TMED3: variants seen among roughly 807,000 people sequenced by gnomAD.
The protein encoded by TMED3 is transmembrane p24 trafficking protein 3.
TMED3 carries 9 observed loss-of-function variants against 15.0 expected under a neutral mutation model. That is an observed-to-expected ratio of 0.60 (90% CI 0.36 to 1.04). TMED3 has a LOEUF of 1.04. Ranked by LOEUF, TMED3 falls within the 50% of genes least tolerant of loss-of-function variation. TMED3 has a pLI of 0.01. For synonymous variants in TMED3, 117 were observed against 121.4 expected (o/e 0.96, Z 0.24); for missense variants, 267 against 278.9 (o/e 0.96, Z 0.30).
At chr15:79,357,211 A>C (rs1383871756) in intron 2 of TMED3, among the ~76,000 whole-genome samples, 1 of 152,118 alleles carries the variant, frequency 6.6e-6, no homozygotes. Context: ...ACGGCTGGGC[A>C]TGGTGGCTCG....
chr15:79,348,059 C>G (rs1159795868), intron 2 of TMED3, among the ~76,000 whole-genome samples: 1 of 152,116 alleles, frequency 6.6e-6, no homozygotes, highest in Non-Finnish European at 1.5e-5. Context: ...GATAAGAGCT[C>G]TATAATAAAA....
chr15:79,377,879 C>T (rs1247630086), intron 2 of TMED3, among the ~76,000 whole-genome samples: 1 of 152,018 alleles, frequency 6.6e-6, no homozygotes, highest in Non-Finnish European at 1.5e-5. Context: ...ATCTCCTGAC[C>T]TCATGATCCG....
chr15:79,399,527 G>A (rs865870960), intron 2 of TMED3, among the ~76,000 whole-genome samples: 1 of 152,142 alleles, frequency 6.6e-6, no homozygotes, highest in Non-Finnish European at 1.5e-5. Context: ...GAAGTAGGAT[G>A]GTGTGTAGCA....
At chr15:79,406,328 G>A (rs1893903052) in intron 2 of TMED3, among the ~76,000 whole-genome samples, 1 of 152,174 alleles carries the variant, frequency 6.6e-6, no homozygotes, top group African/African-American at 2.4e-5. Context: ...CCTGTCAGCT[G>A]CTAGAAATAA....
intron 1 of TMED3, among the ~76,000 whole-genome samples, chr15:79,312,358 T>G (rs931430647): frequency 4.6e-5 from 7 of 152,206 alleles, no homozygotes; most frequent in Admixed American, 3.3e-4. Flanking sequence ...AAATTGTGAC[T>G]GGGTTAACAT....
chr15:79,366,649 C>T (rs1400689546), intron 2 of TMED3, among the ~76,000 whole-genome samples: 1 of 152,186 alleles, frequency 6.6e-6, no homozygotes, highest in Non-Finnish European at 1.5e-5. Flanking sequence ...TAAGAGGGGT[C>T]CCTGCTCCAT....
At chr15:79,323,679 T>G (rs1012035718), downstream of TMED3, among the ~76,000 whole-genome samples, 2 of 152,202 alleles carry the variant, frequency 1.3e-5, no homozygotes, top group African/African-American at 2.4e-5. Flanking sequence ...GTAATGCTTA[T>G]CAAGCACTGA....
At chr15:79,395,507 A>G (rs2141255376) in intron 2 of TMED3, among the ~76,000 whole-genome samples, 1 of 152,300 alleles carries the variant, frequency 6.6e-6, no homozygotes, top group South Asian at 2.1e-4. Flanking sequence ...AAGTGGCCAT[A>G]CTTAATTTAA....
intron 2 of TMED3, among the ~76,000 whole-genome samples, chr15:79,368,141 C>T (rs1893271882): frequency 6.6e-6 from 1 of 152,098 alleles, no homozygotes; most frequent in African/African-American, 2.4e-5. Flanking sequence ...ATTCTGGCTT[C>T]TTTAGCTATT....
intron 2 of TMED3, among the ~76,000 whole-genome samples, chr15:79,397,163 C>G (rs141395768): frequency 4.3e-4 from 66 of 152,314 alleles, no homozygotes; most frequent in African/African-American, 1.5e-3. Flanking sequence ...ATTCATCTTC[C>G]TATTTCCTTT....
rs1201590579 is a variant in TMED3 at position 79,312,338 on chromosome 15, G to A, written c.168+921G>A. Among the ~76,000 whole-genome samples, 8 of 152,190 alleles carry A rather than the reference G, an allele frequency of 5.3e-5. No homozygotes were observed. In the South Asian group the frequency reaches 1.4e-3, roughly 28 times the overall value. Reference sequence around the variant, plus strand: ...ATTTGTCCACTTTCAGGTCTTTGTGGACAACATGCAAATTGTGACTGGGTT... The same window carrying A: ...ATTTGTCCACTTTCAGGTCTTTGTGAACAACATGCAAATTGTGACTGGGTT... On this transcript the variant is annotated intron_variant, in intron 1 of 2. Coordinates refer to ENST00000299705, the MANE Select transcript of TMED3 (RefSeq NM_007364.4).
chr15:79,311,671 G>A (rs1172523157), intron 1 of TMED3, among the ~76,000 whole-genome samples: 2 of 152,174 alleles, frequency 1.3e-5, no homozygotes, highest in Non-Finnish European at 2.9e-5. Context: ...GGGGACGCCA[G>A]GGCGGATCCC....
At chr15:79,402,809 TA>T (rs1005851730) in intron 2 of TMED3, among the ~76,000 whole-genome samples, 2 of 149,544 alleles carry the variant, frequency 1.3e-5, no homozygotes, top group African/African-American at 4.9e-5. Flanking sequence ...AATAAAAAAA[TA>T]AAAAGGGGGG....
At chr15:79,377,269 C>CGTGTGTGTGTGT (rs1567035892) in intron 2 of TMED3, among the ~76,000 whole-genome samples, 6 of 77,350 alleles carry the variant, frequency 7.8e-5, no homozygotes, top group African/African-American at 3.5e-4. Context: ...AGAGTGTGTG[C>CGTGTGTGTGTGT]ATGTGTGTGT....
intron 2 of TMED3, among the ~76,000 whole-genome samples, chr15:79,391,725 TAG>T (rs1224608893): frequency 6.6e-6 from 1 of 152,238 alleles, no homozygotes; most frequent in Non-Finnish European, 1.5e-5. Context: ...TCTCATTTCT[TAG>T]GTCTATTAGT....
intron 2 of TMED3, among the ~76,000 whole-genome samples, chr15:79,370,185 G>A (rs1383085970): frequency 6.6e-6 from 1 of 150,956 alleles, no homozygotes; most frequent in African/African-American, 2.4e-5. Context: ...CCACCTCCCA[G>A]ATTCAAGTGA....
intron 2 of TMED3, among the ~76,000 whole-genome samples, chr15:79,348,034 G>A (rs1204719226): frequency 6.6e-6 from 1 of 152,176 alleles, no homozygotes; most frequent in Non-Finnish European, 1.5e-5. Flanking sequence ...TAGATTGCTT[G>A]TGGGAAATTA....
intron 2 of TMED3, among the ~76,000 whole-genome samples, chr15:79,392,027 T>C (rs1313284262): frequency 1.3e-5 from 2 of 152,214 alleles, no homozygotes; most frequent in East Asian, 1.9e-4. Flanking sequence ...TGGTGAGTTC[T>C]TATCCATTCC....
In TMED3 at chr15:79,322,044, C is replaced by T. The variant is rs749125930; in HGVS notation, c.484C>T (p.Arg162Trp). 79 of 1,614,110 alleles carry T rather than the reference C, an allele frequency of 4.9e-5. No homozygotes were observed. The highest frequency in any genetic ancestry group is 6.4e-5 in the Non-Finnish European group (75 of 1,180,044). ...GGTGATTGACTCCCAGACGCATTAC[C>T]GGCTGCGGGAGGCCCAGGACCGGGC... ...KTVIDSQTHY[R>W]LREAQDRARA... Residue 162 changes from arginine (R) to tryptophan (W), a missense_variant, in exon 3 of 3, where the codon CGG becomes TGG. Physicochemically the swap from Arg to Trp is moderately radical, Grantham distance 101. Coordinates refer to ENST00000299705, the MANE Select transcript of TMED3 (RefSeq NM_007364.4).
Sources: gnomAD v4.1 joint callset for allele counts (sites outside exome capture counted in the v4.1 genomes callset) on GRCh38, gnomAD v4.1.1 for gene constraint, MANE v1.5 for transcripts, NCBI Gene and HGNC (gene_info 2026-07-23, HGNC 2026-07-21) for gene names.